LRRC4C: variants seen among roughly 807,000 people sequenced by gnomAD.
LRRC4C encodes leucine-rich repeat-containing protein 4C.
LRRC4C carries 5 observed loss-of-function variants against 33.6 expected under a neutral mutation model. That is an observed-to-expected ratio of 0.15 (90% CI 0.08 to 0.31). LRRC4C has a LOEUF of 0.31. LRRC4C is among the 10% of genes least tolerant of loss of function. The pLI is 1.00. For missense variants in LRRC4C, 560 were observed against 796.7 expected, an observed-to-expected ratio of 0.70 and a Z score of 3.58; for synonymous variants, 329 against 302.0, an observed-to-expected ratio of 1.09 and a Z score of -0.93.
intron 3 of LRRC4C, among the ~76,000 whole-genome samples, chr11:40,603,556 C>A (rs536474161): frequency 6.6e-6 from 1 of 152,296 alleles, no homozygotes; most frequent in African/African-American, 2.4e-5. Flanking sequence ...TAAATGTCAA[C>A]ACAGACTTGT....
At chr11:41,069,677 A>T (rs1298417828) in intron 1 of LRRC4C, among the ~76,000 whole-genome samples, 9 of 152,186 alleles carry the variant, frequency 5.9e-5, no homozygotes, top group African/African-American at 2.2e-4. Flanking sequence ...ATTGCTACAA[A>T]GAAAATAAAT....
At position 40,847,692 on chromosome 11, in the gene LRRC4C, C is replaced by T. The variant is rs74949518; in HGVS notation, c.-407+85943G>A. ...GAGTAAGAGAGGAGTCCCTCTTTTT[C>T]CATTGTTGGAAATAGTCTCAGAAGG... On this transcript the variant is annotated intron_variant, in intron 2 of 6. Coordinates refer to ENST00000528697, the MANE Select transcript of LRRC4C (RefSeq NM_001258419.2). Among the ~76,000 whole-genome samples, 1,259 of 151,634 alleles carry T rather than the reference C, an allele frequency of 8.3e-3. 16 individuals are homozygous for T. The highest frequency in any genetic ancestry group is 0.014 in the Non-Finnish European group (918 of 67,968).
chr11:40,578,722 T>G (rs549612850), intron 3 of LRRC4C, among the ~76,000 whole-genome samples: 1 of 152,346 alleles, frequency 6.6e-6, no homozygotes, highest in African/African-American at 2.4e-5. Flanking sequence ...AGAGGACAAA[T>G]TTTAATGGTG....
chr11:40,868,872 G>C lies in LRRC4C; in HGVS notation c.-407+64763C>G, dbSNP rs191610293. On this transcript the variant is annotated intron_variant, in intron 2 of 6. Transcript: ENST00000528697. ...TCCCCTTCTCTCTGTACTGAATTAAGTAAGTCATACAGAAGGAAATAACCT... is the reference window on the plus strand; with the variant it reads ...TCCCCTTCTCTCTGTACTGAATTAACTAAGTCATACAGAAGGAAATAACCT... Among the ~76,000 whole-genome samples the C allele has an allele frequency of 5.9e-5, 9 of 152,200 alleles. No individual in the cohort carries two copies. The East Asian group carries it at 9.7e-4, about 16-fold the overall frequency.
At chr11:40,915,625 C>T (rs1427373531) in intron 2 of LRRC4C, among the ~76,000 whole-genome samples, 3 of 152,190 alleles carry the variant, frequency 2.0e-5, no homozygotes, top group Non-Finnish European at 2.9e-5. Context: ...CCATTCAGGA[C>T]ATAGGCATGG....
chr11:40,560,919 G>A (rs757690812), intron 3 of LRRC4C, among the ~76,000 whole-genome samples: 25 of 152,192 alleles, frequency 1.6e-4, no homozygotes, highest in Admixed American at 1.6e-3. Context: ...AACCATTTCA[G>A]AGAGTTAATT....
At chr11:41,116,834 G>T (rs1351417161) in intron 1 of LRRC4C, among the ~76,000 whole-genome samples, 1 of 152,098 alleles carries the variant, frequency 6.6e-6, no homozygotes. Context: ...GTACAATAAA[G>T]TTCACTGCAA....
At chr11:40,454,012 G>C (rs1213193234) in intron 3 of LRRC4C, among the ~76,000 whole-genome samples, 1 of 152,138 alleles carries the variant, frequency 6.6e-6, no homozygotes, top group African/African-American at 2.4e-5. Context: ...CTGTAGTTGA[G>C]TAAGGTTATC....
At chr11:41,190,617 TA>T (rs1945900909) in intron 1 of LRRC4C, among the ~76,000 whole-genome samples, 1 of 152,172 alleles carries the variant, frequency 6.6e-6, no homozygotes, top group South Asian at 2.1e-4. Flanking sequence ...ATGCATTGGC[TA>T]AACAACGGTA....
At chr11:40,627,340 T>A (rs1963051899) in intron 3 of LRRC4C, among the ~76,000 whole-genome samples, 1 of 151,956 alleles carries the variant, frequency 6.6e-6, no homozygotes, top group African/African-American at 2.4e-5. Context: ...AAATAGCGAA[T>A]GTTGAAACAT....
chr11:41,198,763 G>A (rs918071126), intron 1 of LRRC4C, among the ~76,000 whole-genome samples: 3 of 151,936 alleles, frequency 2.0e-5, no homozygotes, highest in African/African-American at 7.2e-5. Context: ...TCTTTACAGC[G>A]GTAGAAGTCC....
intron 3 of LRRC4C, among the ~76,000 whole-genome samples, chr11:40,510,924 C>T (rs77662187): frequency 0.026 from 4,023 of 152,100 alleles, 178 homozygotes; most frequent in African/African-American, 0.092. Context: ...CTGATACTTG[C>T]TAGATTTTGA....
intron 1 of LRRC4C, among the ~76,000 whole-genome samples, chr11:41,450,530 A>G (rs1010414979): frequency 6.6e-6 from 1 of 152,202 alleles, no homozygotes; most frequent in Non-Finnish European, 1.5e-5. Context: ...CTAGGCAGAC[A>G]TTCAGGTAGA....
chr11:41,037,662 C>G (rs918038104), intron 1 of LRRC4C, among the ~76,000 whole-genome samples: 3 of 151,850 alleles, frequency 2.0e-5, no homozygotes, highest in Admixed American at 1.3e-4. Flanking sequence ...TGAAACAACC[C>G]AACAAATTCC....
intron 3 of LRRC4C, among the ~76,000 whole-genome samples, chr11:40,384,060 T>C (rs180968355): frequency 6.6e-6 from 1 of 151,748 alleles, no homozygotes; most frequent in African/African-American, 2.4e-5. Flanking sequence ...CTTTTAATTT[T>C]GTTGATTATT....
intron 1 of LRRC4C, among the ~76,000 whole-genome samples, chr11:41,040,830 G>A (rs1857386175): frequency 6.6e-6 from 1 of 152,130 alleles, no homozygotes; most frequent in Non-Finnish European, 1.5e-5. Flanking sequence ...GGTATTTAAT[G>A]ACTCTTGAAG....
At chr11:40,665,293 G>A (rs1943663286) in intron 2 of LRRC4C, among the ~76,000 whole-genome samples, 1 of 95,226 alleles carries the variant, frequency 1.1e-5, no homozygotes, top group African/African-American at 3.9e-5. Flanking sequence ...CAAAGCCCTG[G>A]GGTCATTGCT....
chr11:40,205,273 A>G (rs1001899083), intron 5 of LRRC4C, among the ~76,000 whole-genome samples: 2 of 152,220 alleles, frequency 1.3e-5, no homozygotes, highest in African/African-American at 4.8e-5. Flanking sequence ...AATTCAGGAT[A>G]TAACCCACAG....
At chr11:41,270,469 T>C (rs2136829372) in intron 1 of LRRC4C, among the ~76,000 whole-genome samples, 1 of 152,230 alleles carries the variant, frequency 6.6e-6, no homozygotes, top group South Asian at 2.1e-4. Context: ...TCAGAGAGTA[T>C]GAAGGGATTC....
Sources: gnomAD v4.1 joint callset for allele counts (sites outside exome capture counted in the v4.1 genomes callset) on GRCh38, gnomAD v4.1.1 for gene constraint, MANE v1.5 for transcripts, NCBI Gene and HGNC (gene_info 2026-07-23, HGNC 2026-07-21) for gene names.